The following UNC5C variants were observed in gnomAD, a reference collection of about 807,000 sequenced individuals.
UNC5C encodes netrin receptor UNC5C.
In UNC5C, 47 loss-of-function variants were observed where a neutral mutation model predicts 99.8. The ratio of observed to expected loss-of-function variants is 0.47; its 90% CI spans 0.37 to 0.60. The LOEUF (loss-of-function observed/expected upper bound fraction) is 0.60, where lower values mean the gene tolerates loss of function less well. Ranked by LOEUF, UNC5C falls within the 20% of genes least tolerant of loss-of-function variation. The probability of loss-of-function intolerance (pLI) is 0.00; values close to 1 mark genes in which losing one functional copy is unlikely to be tolerated. For missense variants in UNC5C, 1,062 were observed against 1,165.9 expected, an observed-to-expected ratio of 0.91 and a Z score of 1.30; for synonymous variants, 487 against 452.2, an observed-to-expected ratio of 1.08 and a Z score of -0.98.
intron 1 of UNC5C, among the ~76,000 whole-genome samples, chr4:95,428,537 C>T (rs1031910948): frequency 2.0e-5 from 3 of 152,080 alleles, no homozygotes; most frequent in African/African-American, 7.2e-5. Context: ...GTGGAGTGTA[C>T]AGATGCTGGA....
intron 1 of UNC5C, among the ~76,000 whole-genome samples, chr4:95,376,967 G>A (rs767570653): frequency 1.1e-4 from 16 of 152,108 alleles, no homozygotes; most frequent in Admixed American, 2.6e-4. Flanking sequence ...TTAAGCCAGC[G>A]AAGTGCTAAT....
intron 1 of UNC5C, among the ~76,000 whole-genome samples, chr4:95,483,159 G>T (rs1721219825): frequency 6.6e-6 from 1 of 151,070 alleles, no homozygotes; most frequent in Non-Finnish European, 1.5e-5. Context: ...ACTGCCCACT[G>T]GCAAGGAACT....
intron 8 of UNC5C, among the ~76,000 whole-genome samples, 197 bp from the exon 9 acceptor site, chr4:95,219,510 C>T (rs17023283): frequency 0.041 from 6,273 of 152,214 alleles, 433 homozygotes; most frequent in African/African-American, 0.14. Flanking sequence ...AGTAAGTGGT[C>T]AAGCTCATTC....
intron 1 of UNC5C, among the ~76,000 whole-genome samples, chr4:95,513,838 G>A (rs1310689766): frequency 6.6e-6 from 1 of 152,096 alleles, no homozygotes; most frequent in Non-Finnish European, 1.5e-5. Context: ...TTAAATGTAT[G>A]TCTAACTTAT....
chr4:95,238,612 A>G (rs1433361515), intron 7 of UNC5C, among the ~76,000 whole-genome samples: 1 of 152,150 alleles, frequency 6.6e-6, no homozygotes, highest in Non-Finnish European at 1.5e-5. Flanking sequence ...TATGAGTAAT[A>G]AATCCTCTCT....
chr4:95,538,924 A>C (rs1433566778), intron 1 of UNC5C, among the ~76,000 whole-genome samples: 1 of 152,214 alleles, frequency 6.6e-6, no homozygotes, highest in Non-Finnish European at 1.5e-5. Flanking sequence ...ATAAAGCTTT[A>C]AATGGAAGTA....
chr4:95,441,214 G>A (rs1245749574), intron 1 of UNC5C, among the ~76,000 whole-genome samples: 1 of 152,160 alleles, frequency 6.6e-6, no homozygotes, highest in Non-Finnish European at 1.5e-5. Context: ...CAGGCCACCA[G>A]ACTTCTGCTT....
At chr4:95,426,524 G>T (rs1746490945) in intron 1 of UNC5C, among the ~76,000 whole-genome samples, 1 of 152,170 alleles carries the variant, frequency 6.6e-6, no homozygotes, top group South Asian at 2.1e-4. Context: ...GGTGAGAAAG[G>T]CATGCCAAAA....
At chr4:95,468,445 C>T (rs759623213) in intron 1 of UNC5C, among the ~76,000 whole-genome samples, 1 of 152,120 alleles carries the variant, frequency 6.6e-6, no homozygotes, top group Non-Finnish European at 1.5e-5. Flanking sequence ...TCTTGAAATG[C>T]TTTACCCTCC....
At chr4:95,423,656 A>G (rs1049173203) in intron 1 of UNC5C, among the ~76,000 whole-genome samples, 2 of 152,220 alleles carry the variant, frequency 1.3e-5, no homozygotes, top group African/African-American at 4.8e-5. Flanking sequence ...ACATTTAAAG[A>G]AGACTTAGAA....
rs1180330785 is a variant in UNC5C, at chr4:95,536,082, A to ATATATATATATTTTTT, written c.124+12651_124+12652insAAAAAATATATATATA. 3.8e-5 allele frequency among the ~76,000 whole-genome samples: 3 copies of ATATATATATATTTTTT among 78,454 alleles called. No homozygotes were observed. In the East Asian group the frequency reaches 8.5e-4, roughly 22 times the overall value. 51.5% of individuals were successfully genotyped at this position (78,454 alleles called of 152,430 possible). ...CATACATATATATATATATATATATATTTTTTTTTTTTGAGATGGAGTCTC... is the reference window on the plus strand; with the variant it reads ...CATACATATATATATATATATATATATATATATATATTTTTTTTTTTTTTTTTTGAGATGGAGTCTC... On this transcript the variant is annotated intron_variant, in intron 1 of 15. Transcript: ENST00000453304.
At chr4:95,276,609 T>C (rs1229919227) in intron 4 of UNC5C, among the ~76,000 whole-genome samples, 1 of 152,188 alleles carries the variant, frequency 6.6e-6, no homozygotes, top group Non-Finnish European at 1.5e-5. Context: ...GGTGGTTTCA[T>C]GGAGGAGGTG....
At chr4:95,203,820 T>C (rs1401994475) in intron 11 of UNC5C, among the ~76,000 whole-genome samples, 2 of 152,166 alleles carry the variant, frequency 1.3e-5, no homozygotes, top group Non-Finnish European at 2.9e-5. Context: ...TGTGTGTGTA[T>C]GTGAAAGCAG....
intron 1 of UNC5C, among the ~76,000 whole-genome samples, chr4:95,400,384 CTTTTTTTT>C (rs1171870515): frequency 6.1e-5 from 4 of 65,764 alleles, no homozygotes; most frequent in Admixed American, 2.1e-4. Flanking sequence ...GAGATGAATT[CTTTTTTTT>C]TTTTTTTTTT....
chr4:95,502,630 C>T (rs1721804735), intron 1 of UNC5C, among the ~76,000 whole-genome samples: 3 of 152,094 alleles, frequency 2.0e-5, no homozygotes, highest in South Asian at 4.1e-4. Flanking sequence ...AGCAGTTACA[C>T]GACAATGCAT....
chr4:95,500,352 A>G (rs2149484188), intron 1 of UNC5C, among the ~76,000 whole-genome samples: 1 of 152,156 alleles, frequency 6.6e-6, no homozygotes, highest in Admixed American at 6.6e-5. Context: ...GGGACTATAG[A>G]AGTGTTTTGC....
chr4:95,316,036 C>G (rs1239701492), intron 2 of UNC5C, among the ~76,000 whole-genome samples: 2 of 152,098 alleles, frequency 1.3e-5, no homozygotes, highest in East Asian at 3.9e-4. Flanking sequence ...TTGAATAAAT[C>G]AGTGGTTAAT....
At chr4:95,429,009 T>A (rs2149459499) in intron 1 of UNC5C, among the ~76,000 whole-genome samples, 1 of 152,216 alleles carries the variant, frequency 6.6e-6, no homozygotes, top group East Asian at 1.9e-4. Flanking sequence ...GGCTTCATGT[T>A]GTACATCTAA....
chr4:95,461,308 C>CT lies in UNC5C; in HGVS notation c.124+87425_124+87426insA, dbSNP rs1578176189. ...GATACAGTCCTTTTCCAACATGAAG[C>CT]ACAAGGCAAGAGCAAGTTGAATAGA... On this transcript the variant is annotated intron_variant, in intron 1 of 15. Transcript: ENST00000453304. Among the ~76,000 whole-genome samples, 4 of 97,478 alleles carry CT rather than the reference C, an allele frequency of 4.1e-5. 1 individual carries two copies. Among genetic ancestry groups the CT allele is most frequent in the Non-Finnish European group, 6.0e-5 (3 of 49,912 alleles). 63.9% of individuals were successfully genotyped at this position (97,478 alleles called of 152,430 possible).
Sources: gnomAD v4.1 joint callset for allele counts (sites outside exome capture counted in the v4.1 genomes callset) on GRCh38, gnomAD v4.1.1 for gene constraint, MANE v1.5 for transcripts, NCBI Gene and HGNC (gene_info 2026-07-23, HGNC 2026-07-21) for gene names.